ARVCF: variants seen among roughly 807,000 people sequenced by gnomAD.
The protein encoded by ARVCF is ARVCF delta catenin family member.
A neutral mutation model predicts 90.9 loss-of-function variants in ARVCF; 66 were observed. The ratio of observed to expected loss-of-function variants is 0.73; its 90% confidence interval spans 0.60 to 0.89. The LOEUF (loss-of-function observed/expected upper bound fraction) is 0.89, where lower values mean the gene tolerates loss of function less well. Among genes scored for constraint, ARVCF ranks in the 40% least tolerant of loss-of-function variants. The pLI is 0.00. For synonymous variants in ARVCF, 653 were observed against 603.4 expected (o/e 1.08, Z -1.21); for missense variants, 1,469 against 1,382.3 (o/e 1.06, Z -1.00).
At chr22:20,016,218 G>A (rs1045527426) in intron 1 of ARVCF, among the ~76,000 whole-genome samples, 1 of 152,222 alleles carries the variant, frequency 6.6e-6, no homozygotes, top group African/African-American at 2.4e-5. Context: ...CGGCTGCAGG[G>A]CCCTGGCAGC....
At chr22:20,008,955 G>C (rs1944731299) in intron 2 of ARVCF, among the ~76,000 whole-genome samples, 1 of 152,150 alleles carries the variant, frequency 6.6e-6, no homozygotes, top group Non-Finnish European at 1.5e-5. Flanking sequence ...GACAAGAAAG[G>C]AGCAAGCAAC....
chr22:20,004,507 A>G (rs540256946), intron 2 of ARVCF, among the ~76,000 whole-genome samples: 14 of 152,260 alleles, frequency 9.2e-5, no homozygotes, highest in African/African-American at 2.9e-4. Context: ...GAAAAGAAAA[A>G]AAAAATCCCA....
chr22:19,974,169 G>C lies in ARVCF; in HGVS notation c.2031C>G (p.Phe677Leu), dbSNP rs148872323. Reference sequence around the variant, plus strand: ...CGCCGGCGGCAGCCTCCAGGGTGTTGAAGTTCCGGCTCTCCGTGAGGAGGG... The same window carrying C: ...CGCCGGCGGCAGCCTCCAGGGTGTTCAAGTTCCGGCTCTCCGTGAGGAGGG... ...YLSLLTESRN[F>L]NTLEAAAGAL... Residue 677 changes from phenylalanine to leucine, a missense_variant, in exon 12 of 20, where the codon TTC becomes TTG. Transcript: ENST00000263207. 2.2e-3 allele frequency: 3,557 copies of C among 1,613,038 alleles called. 16 individuals are homozygous for C. Among genetic ancestry groups the C allele is most frequent in the South Asian group, 7.1e-3 (645 of 91,046 alleles).
In ARVCF at chr22:19,978,883, G is replaced by A. The variant is rs1355960291; in HGVS notation, c.1580+14C>T. The stretch of plus-strand genomic sequence containing the variant: ...GGTGTGCATGTGGGCTTTAGCACCA[G>A]GTCTGGTCCACACCTCAGGCAGCCC... On this transcript the variant is annotated intron_variant, in intron 7 of 19. Coordinates refer to ENST00000263207, the MANE Select transcript of ARVCF (RefSeq NM_001670.3). 6 of 1,603,360 alleles carry A rather than the reference G, an allele frequency of 3.7e-6. No individual in the cohort carries two copies. The highest frequency in any genetic ancestry group is 1.1e-5 in the South Asian group (1 of 90,552).
At chr22:19,966,362 G>A (rs1346909423), downstream of ARVCF, among the ~76,000 whole-genome samples, 1 of 151,562 alleles carries the variant, frequency 6.6e-6, no homozygotes, top group East Asian at 1.9e-4. Flanking sequence ...GCTGCTTTGA[G>A]GAGGCCTCTC....
intron 2 of ARVCF, among the ~76,000 whole-genome samples, chr22:20,008,873 GA>G (rs1376997978): frequency 1.3e-5 from 2 of 152,198 alleles, no homozygotes; most frequent in Non-Finnish European, 2.9e-5. Context: ...GAAAGGCAGA[GA>G]AAGAGGCACA....
At chr22:20,006,361 A>T (rs1002242126) in intron 2 of ARVCF, among the ~76,000 whole-genome samples, 2 of 151,732 alleles carry the variant, frequency 1.3e-5, no homozygotes, top group African/African-American at 4.8e-5. Context: ...GCGGATCACG[A>T]GGTCAGGAGA....
intron 6 of ARVCF, 48 bp downstream of exon 6, chr22:19,979,695 A>G (rs2146299065): frequency 1.3e-6 from 2 of 1,540,186 alleles, no homozygotes; most frequent in East Asian, 4.7e-5. Context: ...GTTGAGCCTC[A>G]CACTCTTCTC....
At chr22:19,975,874 C>A in intron 10 of ARVCF, 117 bp from the exon 11 acceptor site, 1 of 1,019,042 alleles carries the variant, frequency 9.8e-7, no homozygotes, top group Non-Finnish European at 1.5e-6. Flanking sequence ...CATGTCCAGG[C>A]CTGGGCACCT....
At chr22:19,972,292 C>T in intron 17 of ARVCF, 66 bp downstream of exon 17, 4 of 1,601,948 alleles carry the variant, frequency 2.5e-6, no homozygotes, top group South Asian at 1.1e-5. Flanking sequence ...ATAAAACCAG[C>T]AGGCCCACTT....
downstream of ARVCF, among the ~76,000 whole-genome samples, chr22:19,967,859 G>A (rs532621286): frequency 1.3e-5 from 2 of 152,232 alleles, no homozygotes; most frequent in African/African-American, 4.8e-5. Flanking sequence ...GCATAGATAG[G>A]CAAGCATCCT....
At chr22:19,972,675 G>T (rs71313932) in intron 16 of ARVCF, 62 bp downstream of exon 16, 9 of 1,506,286 alleles carry the variant, frequency 6.0e-6, no homozygotes, top group Non-Finnish European at 8.0e-6. Context: ...TTCACCCAAG[G>T]GTCAGGCAAC....
At chr22:20,016,564 A>C (rs1398378816) in intron 1 of ARVCF, 25 bp downstream of exon 1, 7 of 149,976 alleles carry the variant, frequency 4.7e-5, no homozygotes, top group Non-Finnish European at 1.5e-5. Context: ...CGGGTCCCAC[A>C]CCCCGCCCAC....
intron 11 of ARVCF, among the ~76,000 whole-genome samples, chr22:19,975,449 G>C (rs972574538): frequency 2.0e-5 from 3 of 152,176 alleles, no homozygotes; most frequent in South Asian, 2.1e-4. Flanking sequence ...CGGCCTCTCT[G>C]TGCCTGTCTC....
Position 19,979,622 on chromosome 22 carries a change from G to A in ARVCF, c.1396+121C>T, listed in dbSNP as rs996476069. ...TCCTGGGGCAAGCGTCTCAGCAGCT[G>A]CACTCCTGCCTACCGGGTGCTTTCC... On this transcript the variant is annotated intron_variant, in intron 6 of 19. Transcript: ENST00000263207. The A allele has an allele frequency of 3.6e-6, 5 of 1,393,634 alleles. No individual in the cohort carries two copies. The African/African-American group carries it at 5.8e-5, about 16-fold the overall frequency. The allele number at this position is 1,393,634 out of a possible 1,614,324, so 86.3% of individuals were successfully genotyped here.
At position 20,016,637 on chromosome 22, in the gene ARVCF, G is replaced by A. The variant is rs1046942570; in HGVS notation, c.-121C>T. On this transcript the variant is annotated 5_prime_UTR_variant, in exon 1 of 20. Coordinates refer to ENST00000263207, the MANE Select transcript of ARVCF (RefSeq NM_001670.3). ...CGCAGCGCGGCCTCGGACCCCAGAA[G>A]GGCTTCCCCGGGTCCGTTGGCGCGC... is the stretch of plus-strand genomic sequence containing the variant. 3.3e-5 allele frequency: 5 copies of A among 151,362 alleles called. No homozygotes were observed. The highest frequency in any genetic ancestry group is 6.6e-5 in the Admixed American group (1 of 15,232). The allele number at this position is 151,362 out of a possible 1,614,324, so 9.4% of individuals were successfully genotyped here. A position where few individuals can be genotyped will look rare whatever the true frequency, so the allele number is the denominator to read the frequency against.
Position 19,970,654 on chromosome 22 carries a change from CAG to C in ARVCF, c.*100_*101del. The C allele has an allele frequency of 1.6e-6, 2 of 1,285,646 alleles. No individual in the cohort carries two copies. Among genetic ancestry groups the C allele is most frequent in the Non-Finnish European group, 2.0e-6 (2 of 987,038 alleles). The allele number at this position is 1,285,646 out of a possible 1,614,324, so 79.6% of individuals were successfully genotyped here. A position where few individuals can be genotyped will look rare whatever the true frequency, so the allele number is the denominator to read the frequency against. On this transcript the variant is annotated 3_prime_UTR_variant, in exon 20 of 20. Coordinates refer to ENST00000263207, the MANE Select transcript of ARVCF (RefSeq NM_001670.3). ...GCGAGGCGCTGCCAACCCCTGCCGC[CAG>C]GGGGCTCCAAGCTCCACGGCACGAT...
At chr22:19,972,208 A>G in intron 17 of ARVCF, 150 bp downstream of exon 17, 2 of 1,091,876 alleles carry the variant, frequency 1.8e-6, no homozygotes, top group Non-Finnish European at 2.7e-6. Context: ...ATCCCTCTCT[A>G]GCTGCCCTGT....
At chr22:19,990,058 T>C (rs1163994487) in intron 3 of ARVCF, among the ~76,000 whole-genome samples, 3 of 152,120 alleles carry the variant, frequency 2.0e-5, no homozygotes, top group African/African-American at 7.2e-5. Flanking sequence ...TACCCCAACT[T>C]TAGAGTTCTT....
Sources: allele counts gnomAD v4.1 joint callset (sites outside exome capture counted in the v4.1 genomes callset), GRCh38; gene constraint gnomAD v4.1.1; transcripts MANE v1.5; gene names NCBI Gene and HGNC (gene_info 2026-07-23, HGNC 2026-07-21).